NDST4: variants seen among roughly 807,000 people sequenced by gnomAD.
NDST4 encodes N-heparan sulfate sulfotransferase 4.
NDST4 carries 63 observed loss-of-function variants against 100.8 expected under a neutral mutation model. That is an observed-to-expected ratio of 0.62 (90% CI 0.51 to 0.77). The LOEUF (loss-of-function observed/expected upper bound fraction) is 0.77, where lower values mean the gene tolerates loss of function less well. Ranked by LOEUF, NDST4 falls within the 30% of genes least tolerant of loss-of-function variation. The probability of loss-of-function intolerance (pLI) is 0.00; values close to 1 mark genes in which losing one functional copy is unlikely to be tolerated. For missense variants in NDST4, 943 were observed against 1,018.4 expected, an observed-to-expected ratio of 0.93 and a Z score of 1.01; for synonymous variants, 377 against 361.8, an observed-to-expected ratio of 1.04 and a Z score of -0.48.
At chr4:114,856,604 A>G (rs980222046) in intron 7 of NDST4, among the ~76,000 whole-genome samples, 1 of 152,180 alleles carries the variant, frequency 6.6e-6, no homozygotes, top group African/African-American at 2.4e-5. Flanking sequence ...ATTTTATCCA[A>G]TTAAAATAGA....
intron 6 of NDST4, among the ~76,000 whole-genome samples, chr4:114,875,499 A>G (rs80253547): frequency 0.03 from 4,571 of 152,312 alleles, 84 homozygotes; most frequent in South Asian, 0.043. Flanking sequence ...AGGTTTATGT[A>G]TCAAAATGTA....
chr4:115,050,531 T>A (rs1484810579), intron 2 of NDST4, among the ~76,000 whole-genome samples: 1 of 152,118 alleles, frequency 6.6e-6, no homozygotes, highest in Admixed American at 6.5e-5. Flanking sequence ...TTATGGGGAA[T>A]TAAAACTTCT....
At chr4:114,890,849 A>AG (rs1235253937) in intron 6 of NDST4, among the ~76,000 whole-genome samples, 1 of 152,100 alleles carries the variant, frequency 6.6e-6, no homozygotes, top group East Asian at 1.9e-4. Context: ...ACAATCATAT[A>AG]GTCTCTTTAT....
At position 114,905,148 on chromosome 4, in the gene NDST4, T is replaced by C. The variant is rs1479938249; in HGVS notation, c.1536+30058A>G. Among the ~76,000 whole-genome samples, 41 of 151,418 alleles carry C rather than the reference T, an allele frequency of 2.7e-4. 1 individual carries two copies. Among genetic ancestry groups the C allele is most frequent in the South Asian group, 2.1e-3 (10 of 4,816 alleles). ...AAAAATTCTTCCTTTTTTTTTTTTT[T>C]CTGCAACAAATCAGTGTGTGGTATG... On this transcript the variant is annotated intron_variant, in intron 6 of 13. Transcript: ENST00000264363.
At chr4:114,909,184 A>G (rs937323654) in intron 6 of NDST4, among the ~76,000 whole-genome samples, 4 of 152,194 alleles carry the variant, frequency 2.6e-5, no homozygotes, top group African/African-American at 9.6e-5. Flanking sequence ...AAATTTTTCA[A>G]TATAAAGTAG....
chr4:115,089,551 A>G (rs1729473043), intron 1 of NDST4, among the ~76,000 whole-genome samples: 1 of 151,698 alleles, frequency 6.6e-6, no homozygotes, highest in African/African-American at 2.4e-5. Context: ...ATACCTTTGC[A>G]TTTTTACATA....
In NDST4 at chr4:114,935,194, T is replaced by C. The variant is rs567433890; in HGVS notation, c.1536+12A>G. On this transcript the variant is annotated intron_variant, in intron 6 of 13. Coordinates refer to ENST00000264363, the MANE Select transcript of NDST4 (RefSeq NM_022569.3). ...CTAATCTTATTGTAAGGTGCATACATAGAATACATACTGGGTTTAGAAGGA... is the reference window on the plus strand; with the variant it reads ...CTAATCTTATTGTAAGGTGCATACACAGAATACATACTGGGTTTAGAAGGA... 1,306 of 1,587,624 alleles carry C rather than the reference T, an allele frequency of 8.2e-4. 9 individuals carry two copies. In the African/African-American group the frequency reaches 0.016, roughly 19 times the overall value.
chr4:114,855,826 T>C (rs1035410390), intron 7 of NDST4, among the ~76,000 whole-genome samples: 2 of 152,220 alleles, frequency 1.3e-5, no homozygotes, highest in African/African-American at 2.4e-5. Context: ...ATTGGTGGTA[T>C]TAATCAATTC....
chr4:114,999,681 C>T (rs1367695971), intron 2 of NDST4, among the ~76,000 whole-genome samples: 1 of 151,964 alleles, frequency 6.6e-6, no homozygotes, highest in African/African-American at 2.4e-5. Flanking sequence ...AGTAGCATTC[C>T]TTCCTTTTAT....
chr4:115,058,312 T>C (rs516638), intron 2 of NDST4, among the ~76,000 whole-genome samples: 36,885 of 152,054 alleles, frequency 0.24, 6,016 homozygotes, highest in East Asian at 0.46. Context: ...TGTATATCCT[T>C]GTACTTGTAT....
At chr4:114,884,399 T>A (rs898675628) in intron 6 of NDST4, among the ~76,000 whole-genome samples, 1 of 152,174 alleles carries the variant, frequency 6.6e-6, no homozygotes, top group African/African-American at 2.4e-5. Context: ...AACTGAAAAC[T>A]GCTAGTGAAT....
chr4:115,079,959 A>G (rs1729267478), intron 1 of NDST4, among the ~76,000 whole-genome samples: 1 of 152,196 alleles, frequency 6.6e-6, no homozygotes, highest in Non-Finnish European at 1.5e-5. Context: ...TTTTCATCAA[A>G]TATTTTAAAT....
At chr4:114,847,181 C>T (rs1418744003) in intron 9 of NDST4, among the ~76,000 whole-genome samples, 1 of 131,588 alleles carries the variant, frequency 7.6e-6, no homozygotes, top group East Asian at 1.9e-4. Flanking sequence ...TCGAGACCAT[C>T]CCGGCTAAAA....
At chr4:114,911,783 T>A (rs1725068733) in intron 6 of NDST4, among the ~76,000 whole-genome samples, 1 of 152,322 alleles carries the variant, frequency 6.6e-6, no homozygotes, top group Non-Finnish European at 1.5e-5. Context: ...CAAACTTTCA[T>A]GATCTCCTAC....
chr4:114,965,872 A>AG (rs1432885464), intron 4 of NDST4, among the ~76,000 whole-genome samples: 4 of 151,930 alleles, frequency 2.6e-5, no homozygotes, highest in Admixed American at 2.0e-4. Context: ...ATTGGGAATA[A>AG]GTTTTGGTAA....
At chr4:115,028,316 G>A (rs961366269) in intron 2 of NDST4, among the ~76,000 whole-genome samples, 11 of 152,022 alleles carry the variant, frequency 7.2e-5, no homozygotes, top group Admixed American at 1.3e-4. Context: ...CAAGGGGCAG[G>A]GTTCATGGAA....
At chr4:115,023,691 T>C (rs2126266477) in intron 2 of NDST4, among the ~76,000 whole-genome samples, 1 of 152,152 alleles carries the variant, frequency 6.6e-6, no homozygotes, top group Middle Eastern at 3.4e-3. Flanking sequence ...AGTAAAAAAC[T>C]GTGTTAAGGA....
At chr4:115,049,737 A>G (rs1451679457) in intron 2 of NDST4, among the ~76,000 whole-genome samples, 1 of 152,128 alleles carries the variant, frequency 6.6e-6, no homozygotes, top group Non-Finnish European at 1.5e-5. Context: ...TTGGATGATG[A>G]GGGCCAGTGA....
chr4:114,844,835 C>T (rs1723509278), intron 10 of NDST4, among the ~76,000 whole-genome samples: 2 of 152,108 alleles, frequency 1.3e-5, no homozygotes, highest in African/African-American at 4.8e-5. Flanking sequence ...AACATTTGTC[C>T]ATCCTTTTGA....
Sources: allele counts gnomAD v4.1 joint callset (sites outside exome capture counted in the v4.1 genomes callset), GRCh38; gene constraint gnomAD v4.1.1; transcripts MANE v1.5; gene names NCBI Gene and HGNC (gene_info 2026-07-23, HGNC 2026-07-21).